SMARCC1: variants seen among roughly 807,000 people sequenced by gnomAD.
The protein encoded by SMARCC1 is SWI/SNF related BAF chromatin remodeling complex subunit C1, also known as SWI/SNF complex subunit SMARCC1.
Under a neutral mutation model 147.4 loss-of-function variants are expected in SMARCC1, and 43 were observed. The ratio of observed to expected loss-of-function variants is 0.29; its 90% CI spans 0.23 to 0.38. The LOEUF (loss-of-function observed/expected upper bound fraction) is 0.38, where lower values mean the gene tolerates loss of function less well. Among genes scored for constraint, SMARCC1 ranks in the 10% least tolerant of loss-of-function variants. The pLI, the probability that SMARCC1 is intolerant of heterozygous loss-of-function variation, is 1.00. For missense variants in SMARCC1, 1,119 were observed against 1,381.1 expected (o/e 0.81, Z 3.01); for synonymous variants, 495 against 484.4 (o/e 1.02, Z -0.29).
chr3:47,609,917 A>G, intron 26 of SMARCC1, 149 bp downstream of exon 26: 2 of 830,702 alleles, frequency 2.4e-6, no homozygotes, highest in Admixed American at 2.8e-5. Context: ...CGATAACCCT[A>G]AATCTCACAT....
chr3:47,777,581 G>A (rs961039319), intron 1 of SMARCC1, among the ~76,000 whole-genome samples: 14 of 151,934 alleles, frequency 9.2e-5, no homozygotes, highest in African/African-American at 3.1e-4. Flanking sequence ...AGGCTGGAGT[G>A]CAATGGCCCG....
At chr3:47,707,237 G>A (rs767252587) in intron 9 of SMARCC1, among the ~76,000 whole-genome samples, 47 of 151,726 alleles carry the variant, frequency 3.1e-4, no homozygotes, top group Non-Finnish European at 6.0e-4. Flanking sequence ...GCTTGAACCC[G>A]GTAGGCAAAG....
rs78023828 is a variant in SMARCC1, at chr3:47,598,382, T to C, written c.3044-7545A>G. ...ATACTAGGAGAAATAATGCTGCCCA[T>C]GTTTATCAACAGGTACAGGTTGCTC... On this transcript the variant is annotated intron_variant, in intron 26 of 27. Coordinates refer to ENST00000254480, the MANE Select transcript of SMARCC1 (RefSeq NM_003074.4). 5.1e-4 allele frequency among the ~76,000 whole-genome samples: 77 copies of C among 152,308 alleles called. 4 individuals carry two copies. In the East Asian group the frequency reaches 0.013, roughly 26 times the overall value.
At chr3:47,738,470 G>A (rs1238591209) in intron 3 of SMARCC1, among the ~76,000 whole-genome samples, 4 of 152,270 alleles carry the variant, frequency 2.6e-5, no homozygotes, top group East Asian at 1.9e-4. Flanking sequence ...TGGATCAAGA[G>A]ATCAAGAGTT....
intron 12 of SMARCC1, among the ~76,000 whole-genome samples, chr3:47,689,893 T>C (rs1576412321): frequency 6.6e-6 from 1 of 152,164 alleles, no homozygotes; most frequent in Admixed American, 6.6e-5. Context: ...CAGGTAAAAT[T>C]TGTAAACTAG....
chr3:47,594,652 C>T (rs2032241614), intron 26 of SMARCC1, among the ~76,000 whole-genome samples: 1 of 152,088 alleles, frequency 6.6e-6, no homozygotes, highest in South Asian at 2.1e-4. Flanking sequence ...GACTTTCCAG[C>T]TGATCAATAA....
intron 2 of SMARCC1, among the ~76,000 whole-genome samples, chr3:47,753,712 C>CAAAA (rs71070226): frequency 2.4e-3 from 163 of 67,828 alleles, no homozygotes; most frequent in East Asian, 4.7e-3. Flanking sequence ...AACTCCATCT[C>CAAAA]AAAAAAAAAA....
At chr3:47,685,957 T>C (rs878912962) in intron 14 of SMARCC1, 92 bp downstream of exon 14, 1 of 974,640 alleles carries the variant, frequency 1.0e-6, no homozygotes, top group South Asian at 1.8e-5. Context: ...TAATTTCTGA[T>C]AAGGAACATG....
At chr3:47,622,401 A>T in intron 24 of SMARCC1, 60 bp from the exon 25 acceptor site, 1 of 1,476,022 alleles carries the variant, frequency 6.8e-7, no homozygotes, top group Non-Finnish European at 9.4e-7. Flanking sequence ...AACATTAAGA[A>T]AATGCTGACA....
chr3:47,709,245 A>T (rs1326254009), intron 9 of SMARCC1, among the ~76,000 whole-genome samples: 2 of 152,060 alleles, frequency 1.3e-5, no homozygotes, highest in Non-Finnish European at 2.9e-5. Flanking sequence ...TGGGCAATAG[A>T]ACGAGACCCC....
At chr3:47,686,561 C>T (rs895729466) in intron 13 of SMARCC1, among the ~76,000 whole-genome samples, 4 of 152,112 alleles carry the variant, frequency 2.6e-5, no homozygotes, top group African/African-American at 9.7e-5. Flanking sequence ...TAAATGTTTA[C>T]TTGATACACA....
chr3:47,737,149 T>C (rs1015280851), intron 4 of SMARCC1, among the ~76,000 whole-genome samples: 1 of 152,094 alleles, frequency 6.6e-6, no homozygotes, highest in African/African-American at 2.4e-5. Flanking sequence ...TCCCAGAACT[T>C]TGGGAGGCCA....
intron 11 of SMARCC1, among the ~76,000 whole-genome samples, chr3:47,699,596 ATATG>A: frequency 6.6e-6 from 1 of 152,166 alleles, no homozygotes; most frequent in Non-Finnish European, 1.5e-5. Context: ...ATGTCTATAC[ATATG>A]TATATTGCTC....
chr3:47,663,877 C>T, intron 19 of SMARCC1: 1 of 1,517,566 alleles, frequency 6.6e-7, no homozygotes, highest in Non-Finnish European at 9.2e-7. Flanking sequence ...CCCAGGGTTT[C>T]ACGGTCACAG....
chr3:47,607,073 C>T (rs1390677898), intron 26 of SMARCC1, among the ~76,000 whole-genome samples: 1 of 152,068 alleles, frequency 6.6e-6, no homozygotes, highest in African/African-American at 2.4e-5. Context: ...GATGTGAACT[C>T]TTAAGCATTT....
intron 1 of SMARCC1, among the ~76,000 whole-genome samples, chr3:47,777,490 T>C (rs879923499): frequency 3.9e-5 from 6 of 151,954 alleles, no homozygotes; most frequent in African/African-American, 1.2e-4. Context: ...GTCCAGAAAT[T>C]TGAGACCAGT....
chr3:47,653,730 T>C (rs990456548), intron 21 of SMARCC1, among the ~76,000 whole-genome samples: 1 of 152,222 alleles, frequency 6.6e-6, no homozygotes, highest in African/African-American at 2.4e-5. Flanking sequence ...TCTCAACTCA[T>C]TTGAAATATT....
intron 14 of SMARCC1, among the ~76,000 whole-genome samples, chr3:47,684,171 C>T (rs946668428): frequency 1.3e-4 from 18 of 142,594 alleles, no homozygotes; most frequent in Non-Finnish European, 2.3e-4. Context: ...ACCCGGGAGG[C>T]GGAGCTTGCA....
At chr3:47,626,458 TAAAAA>T (rs67479695) in intron 24 of SMARCC1, among the ~76,000 whole-genome samples, 1 of 117,790 alleles carries the variant, frequency 8.5e-6, no homozygotes, top group Non-Finnish European at 1.7e-5. Context: ...ACCCTGTCTT[TAAAAA>T]AAAAAAAAAA....
Sources: gnomAD v4.1 joint callset for allele counts (sites outside exome capture counted in the v4.1 genomes callset) on GRCh38, gnomAD v4.1.1 for gene constraint, MANE v1.5 for transcripts, NCBI Gene and HGNC (gene_info 2026-07-23, HGNC 2026-07-21) for gene names.